PKIB: variants seen among roughly 807,000 people sequenced by gnomAD.
PKIB encodes the protein PKI-beta.
PKIB carries 2 observed loss-of-function variants against 4.5 expected under a neutral mutation model. The ratio of observed to expected loss-of-function variants is 0.44; its 90% CI spans 0.18 to 1.39. PKIB has a LOEUF of 1.39. PKIB is among the 40% of genes most tolerant of loss of function. The pLI is 0.27. For synonymous variants in PKIB, 38 were observed against 36.0 expected (o/e 1.06, Z -0.20); for missense variants, 94 against 92.6 (o/e 1.02, Z -0.06).
intron 3 of PKIB, among the ~76,000 whole-genome samples, chr6:122,695,974 A>C (rs1778554575): frequency 6.6e-6 from 1 of 152,178 alleles, no homozygotes; most frequent in African/African-American, 2.4e-5. Context: ...CCCAATTAAG[A>C]GTAGCTGTTC....
chr6:122,525,235 GC>G (rs1777064537), intron 2 of PKIB, among the ~76,000 whole-genome samples: 1 of 151,848 alleles, frequency 6.6e-6, no homozygotes, highest in African/African-American at 2.4e-5. Context: ...CCACTGTTTA[GC>G]TTTCACATAT....
chr6:122,575,794 A>G (rs571588321), intron 2 of PKIB, among the ~76,000 whole-genome samples: 4 of 152,322 alleles, frequency 2.6e-5, no homozygotes, highest in Non-Finnish European at 5.9e-5. Flanking sequence ...AAAAGGCTAT[A>G]TATTGGGTAC....
chr6:122,681,647 A>C lies in PKIB; in HGVS notation c.-9+6503A>C, dbSNP rs567725943. Among the ~76,000 whole-genome samples the C allele has an allele frequency of 1.1e-3, 171 of 152,354 alleles. 2 individuals are homozygous for C. The South Asian group carries it at 0.034, about 31-fold the overall frequency. On this transcript the variant is annotated intron_variant, in intron 3 of 4. Coordinates refer to ENST00000368452, the MANE Select transcript of PKIB (RefSeq NM_181795.3). ...AAAACAAAACTTGGAAATGGCAACT[A>C]TAAAGATCAATATGTCACCATTCAG...
rs907797221 is a variant in PKIB, at chr6:122,715,258, A to G, written c.-8-2529A>G. Among the ~76,000 whole-genome samples, 3 of 152,168 alleles carry G rather than the reference A, an allele frequency of 2.0e-5. No individual in the cohort carries two copies. In the East Asian group the frequency reaches 5.8e-4, roughly 29 times the overall value. ...CGCATATCTTAACATTTTAAAAACT[A>G]TTATTACATTTAATTGTAAGGTTTT... On this transcript the variant is annotated intron_variant, in intron 3 of 4. Coordinates refer to ENST00000368452, the MANE Select transcript of PKIB (RefSeq NM_181795.3).
intron 2 of PKIB, among the ~76,000 whole-genome samples, chr6:122,484,934 C>CA (rs111469046): frequency 2.6e-5 from 4 of 152,312 alleles, no homozygotes; most frequent in African/African-American, 9.6e-5. Flanking sequence ...ATCCTAGCAG[C>CA]AGAAGTTCAA....
intron 2 of PKIB, among the ~76,000 whole-genome samples, chr6:122,530,560 A>G (rs1036300356): frequency 1.3e-5 from 2 of 152,076 alleles, no homozygotes; most frequent in African/African-American, 2.4e-5. Context: ...TCTCCCAGTT[A>G]TGTACTGCCT....
rs368429970 is a variant in PKIB, at chr6:122,492,167, G to T, written c.-248+14228G>T. ...GGTATGAGAACATGTCAGTTGAAAG[G>T]ATACTGATTTTAGAGAGAGAAATAC... On this transcript the variant is annotated intron_variant, in intron 2 of 6. Coordinates refer to the PKIB transcript ENST00000392491. 1.4e-4 allele frequency among the ~76,000 whole-genome samples: 21 copies of T among 152,266 alleles called. No individual in the cohort carries two copies. The East Asian group carries it at 3.5e-3, about 25-fold the overall frequency.
At chr6:122,708,802 T>A (rs1452369827) in intron 3 of PKIB, among the ~76,000 whole-genome samples, 1 of 151,990 alleles carries the variant, frequency 6.6e-6, no homozygotes, top group East Asian at 1.9e-4. Flanking sequence ...CCTGGCTAAT[T>A]TTTGTATTTT....
chr6:122,518,543 G>T (rs552321834), intron 2 of PKIB, among the ~76,000 whole-genome samples: 1 of 151,984 alleles, frequency 6.6e-6, no homozygotes, highest in Admixed American at 6.6e-5. Flanking sequence ...TTTGAGCTGA[G>T]AACTGAAGGG....
At chr6:122,522,000 G>A (rs1044151688) in intron 2 of PKIB, among the ~76,000 whole-genome samples, 3 of 152,080 alleles carry the variant, frequency 2.0e-5, no homozygotes, top group Non-Finnish European at 4.4e-5. Flanking sequence ...CAGTTCCTGG[G>A]CCAAATGCAT....
At chr6:122,631,558 C>T (rs552695842) in intron 1 of PKIB, among the ~76,000 whole-genome samples, 1 of 152,052 alleles carries the variant, frequency 6.6e-6, no homozygotes, top group African/African-American at 2.4e-5. Flanking sequence ...CTTCAGGGAG[C>T]GTAATAACCG....
rs534096900 is a variant in PKIB at position 122,538,673 on chromosome 6, G to T, written c.-247-47248G>T. On this transcript the variant is annotated intron_variant, in intron 2 of 6. Coordinates refer to the PKIB transcript ENST00000392491. ...ACTTGGCAATGCAGGCTCTTTTTTG[G>T]TTCCATATGAACTTTAAAGTAGTTT... Among the ~76,000 whole-genome samples the T allele has an allele frequency of 5.3e-5, 8 of 152,058 alleles. No individual in the cohort carries two copies. In the East Asian group the frequency reaches 1.4e-3, roughly 26 times the overall value.
intron 3 of PKIB, among the ~76,000 whole-genome samples, chr6:122,702,078 G>GCCAGTC (rs1778833328): frequency 6.6e-6 from 1 of 152,116 alleles, no homozygotes; most frequent in African/African-American, 2.4e-5. Flanking sequence ...AAGGAGACTT[G>GCCAGTC]CCAGTCTTGA....
chr6:122,560,348 A>G (rs1163989975), intron 2 of PKIB, among the ~76,000 whole-genome samples: 2 of 151,980 alleles, frequency 1.3e-5, no homozygotes, highest in Non-Finnish European at 2.9e-5. Context: ...TATCACACTT[A>G]TTGACTTGCA....
At chr6:122,476,205 A>C (rs1477068818) in intron 1 of PKIB, among the ~76,000 whole-genome samples, 2 of 152,192 alleles carry the variant, frequency 1.3e-5, no homozygotes, top group African/African-American at 4.8e-5. Flanking sequence ...GGAGAGCAAA[A>C]ATATAAAAAG....
intron 3 of PKIB, among the ~76,000 whole-genome samples, chr6:122,603,994 G>A (rs533263545): frequency 1.5e-4 from 23 of 152,214 alleles, no homozygotes; most frequent in Admixed American, 1.3e-3. Context: ...AAATAAAAAG[G>A]TGCACATTAG....
At chr6:122,551,119 A>G (rs1045149173) in intron 2 of PKIB, among the ~76,000 whole-genome samples, 5 of 151,546 alleles carry the variant, frequency 3.3e-5, no homozygotes, top group Admixed American at 2.6e-4. Context: ...TCTATTTTTC[A>G]TCTCTCTTGT....
chr6:122,620,722 A>G (rs1045465005), intron 1 of PKIB, among the ~76,000 whole-genome samples: 1 of 152,100 alleles, frequency 6.6e-6, no homozygotes, highest in African/African-American at 2.4e-5. Context: ...TTCCTATTTA[A>G]TTTTTTAATT....
chr6:122,714,105 C>A (rs946833481), intron 3 of PKIB, among the ~76,000 whole-genome samples: 2 of 152,158 alleles, frequency 1.3e-5, no homozygotes, highest in East Asian at 3.9e-4. Flanking sequence ...CTAAGAGTCA[C>A]CTTGTGGATT....
Sources: gnomAD v4.1 joint callset for allele counts (sites outside exome capture counted in the v4.1 genomes callset) on GRCh38, gnomAD v4.1.1 for gene constraint, MANE v1.5 for transcripts, NCBI Gene and HGNC (gene_info 2026-07-23, HGNC 2026-07-21) for gene names.